Variants in PCDHGA7 observed in about 807,000 individuals in gnomAD.
PCDHGA7 encodes protocadherin gamma subfamily A, 7.
A neutral mutation model predicts 58.3 loss-of-function variants in PCDHGA7; 44 were observed. The observed-to-expected ratio is 0.75, with a 90% CI of 0.59 to 0.97. PCDHGA7 has a LOEUF of 0.97. PCDHGA7 is among the 50% of genes least tolerant of loss of function. PCDHGA7 has a pLI of 0.00. For synonymous variants in PCDHGA7, 516 were observed against 504.2 expected (o/e 1.02, Z -0.31); for missense variants, 1,266 against 1,188.7 (o/e 1.06, Z -0.96).
intron 1 of PCDHGA7, chr5:141,433,227 T>C (rs1178649427): frequency 6.5e-6 from 10 of 1,528,034 alleles, no homozygotes; most frequent in Non-Finnish European, 8.9e-6. Context: ...TTTTAATTGC[T>C]CTGTCTCCCA....
chr5:141,507,296 C>T (rs1020117646), intron 3 of PCDHGA7: 1 of 141,360 alleles, frequency 7.1e-6, no homozygotes, highest in Non-Finnish European at 1.5e-5. Flanking sequence ...TCAAATGTTG[C>T]ATGAGACATA....
intron 1 of PCDHGA7, chr5:141,422,528 C>T: frequency 5.0e-6 from 8 of 1,614,018 alleles, no homozygotes; most frequent in Non-Finnish European, 5.1e-6. Flanking sequence ...CCGCCTTTGT[C>T]TGCAGAAACT....
intron 1 of PCDHGA7, chr5:141,388,667 G>A (rs1561620639): frequency 1.2e-6 from 2 of 1,613,918 alleles, no homozygotes; most frequent in Non-Finnish European, 8.5e-7. Flanking sequence ...GGACCACGGT[G>A]CTACAGGTGA....
At chr5:141,440,770 G>A (rs2098199385) in intron 1 of PCDHGA7, 1 of 152,176 alleles carries the variant, frequency 6.6e-6, no homozygotes, top group African/African-American at 2.4e-5. Flanking sequence ...CCATCCCTTA[G>A]TGCTAGCAGC....
chr5:141,477,582 A>T lies in PCDHGA7; in HGVS notation c.2425-17225A>T, dbSNP rs567486170. The T allele has an allele frequency of 6.2e-7, 1 of 1,614,190 alleles. No individual in the cohort carries two copies. The highest frequency in any genetic ancestry group is 2.2e-5 in the East Asian group (1 of 44,888). ...GTCTGGGACCCCGACGCCCCGCAGA[A>T]TGCTCGGCTTTCTTTCTTTCTCTTG... On this transcript the variant is annotated intron_variant, in intron 1 of 3. Transcript: ENST00000518325. The surrounding 1 kb of genome is among the most constrained non-coding windows in gnomAD (Gnocchi z 4.9).
intron 1 of PCDHGA7, chr5:141,404,584 C>T: frequency 6.2e-7 from 1 of 1,613,980 alleles, no homozygotes; most frequent in Non-Finnish European, 8.5e-7. Flanking sequence ...CACTTAGCAG[C>T]AATGTGTCAT....
intron 1 of PCDHGA7, chr5:141,410,199 A>G: frequency 6.2e-7 from 1 of 1,613,998 alleles, no homozygotes; most frequent in South Asian, 1.1e-5. Flanking sequence ...GTCTTCGCAG[A>G]CAACTTGCAA....
chr5:141,460,430 G>T (rs1163518139), intron 1 of PCDHGA7, among the ~76,000 whole-genome samples: 2 of 152,110 alleles, frequency 1.3e-5, no homozygotes, highest in African/African-American at 4.8e-5. Flanking sequence ...ATGGTGTATG[G>T]TGTGAGGTAA....
Position 141,385,263 on chromosome 5 carries a change from T to C in PCDHGA7, c.2364T>C (p.Asn788=). 1 of 1,613,672 alleles carries C rather than the reference T, an allele frequency of 6.2e-7. No homozygotes were observed. Among genetic ancestry groups the C allele is most frequent in the Non-Finnish European group, 8.5e-7 (1 of 1,179,586 alleles). The change falls in exon 1 of 4, where the codon AAT becomes AAC. Residue 788 remains asparagine, a synonymous_variant. Coordinates refer to ENST00000518325, the MANE Select transcript of PCDHGA7 (RefSeq NM_018920.4). ...TCAGCCAGGAGAGCTGTGAGAAAAA[T>C]GATTCTTTGCTAACATCCGTAGATT... ...MLISQESCEK[N]DSLLTSVDFQ... is the part of the protein sequence containing the mutation.
chr5:141,405,797 T>C (rs1589594153), intron 1 of PCDHGA7, among the ~76,000 whole-genome samples: 1 of 148,508 alleles, frequency 6.7e-6, no homozygotes, highest in Non-Finnish European at 1.5e-5. Flanking sequence ...CTATTATAGT[T>C]AGCTTTCTCT....
At chr5:141,398,916 A>G (rs2150766485) in intron 1 of PCDHGA7, 1 of 1,614,022 alleles carries the variant, frequency 6.2e-7, no homozygotes, top group Non-Finnish European at 8.5e-7. Context: ...CTGTGTTGCA[A>G]GTGTCAGCCA....
Position 141,383,838 on chromosome 5 carries a change from C to T in PCDHGA7, c.939C>T (p.Ala313=). ...AAGGATTAGATTATGAAGAAACTGCCTTCTATGAAATGGAGGTTCAGGCTC... is the reference window on the plus strand; with the variant it reads ...AAGGATTAGATTATGAAGAAACTGCTTTCTATGAAATGGAGGTTCAGGCTC... The part of the protein sequence containing the change: ...TLEGLDYEET[A]FYEMEVQAQD... Residue 313 remains alanine, a synonymous_variant, in exon 1 of 4, where the codon GCC becomes GCT. Transcript: ENST00000518325. 6.2e-7 allele frequency: 1 copy of T among 1,613,892 alleles called. No individual in the cohort carries two copies. Among genetic ancestry groups the T allele is most frequent in the East Asian group, 2.2e-5 (1 of 44,894 alleles).
chr5:141,458,970 C>T (rs1260904595), intron 1 of PCDHGA7, among the ~76,000 whole-genome samples: 1 of 152,170 alleles, frequency 6.6e-6, no homozygotes, highest in Admixed American at 6.6e-5. Flanking sequence ...CAGCCTCAAG[C>T]AGTCCTCCTG....
At chr5:141,426,442 G>A (rs1205822455) in intron 1 of PCDHGA7, 9 of 306,752 alleles carry the variant, frequency 2.9e-5, no homozygotes, top group African/African-American at 4.3e-5. Context: ...CCTTGCGGAG[G>A]ACATGCGGCT....
intron 2 of PCDHGA7, among the ~76,000 whole-genome samples, chr5:141,497,643 G>A (rs773129390): frequency 6.6e-6 from 1 of 151,192 alleles, no homozygotes; most frequent in African/African-American, 2.4e-5. Context: ...AGGTTCAAGC[G>A]ATTCTCCTGC....
intron 1 of PCDHGA7, chr5:141,421,961 A>G: frequency 6.2e-7 from 1 of 1,612,542 alleles, no homozygotes; most frequent in Non-Finnish European, 8.5e-7. Context: ...ATGTTTACAC[A>G]GTCCGTATAT....
chr5:141,478,011 G>A (rs1216659966), intron 1 of PCDHGA7: 1 of 1,614,088 alleles, frequency 6.2e-7, no homozygotes, highest in East Asian at 2.2e-5. Flanking sequence ...AGTACTGCCC[G>A]TCCAGTCCAA....
chr5:141,400,319 C>A lies in PCDHGA7; in HGVS notation c.2424+14996C>A, dbSNP rs762588918. ...TTCCAACCTGGTCTCTGTGTCAAGTCTGGACCTGTGGTTCCCCCCAACTAC... is the reference window on the plus strand; with the variant it reads ...TTCCAACCTGGTCTCTGTGTCAAGTATGGACCTGTGGTTCCCCCCAACTAC... On this transcript the variant is annotated intron_variant, in intron 1 of 3. Coordinates refer to ENST00000518325, the MANE Select transcript of PCDHGA7 (RefSeq NM_018920.4). The A allele has an allele frequency of 4.3e-6, 7 of 1,614,092 alleles. No individual in the cohort carries two copies. In the South Asian group the frequency reaches 7.7e-5, roughly 18 times the overall value.
intron 1 of PCDHGA7, among the ~76,000 whole-genome samples, chr5:141,484,535 A>G (rs2099597486): frequency 6.6e-6 from 1 of 152,178 alleles, no homozygotes. Flanking sequence ...AGTATATGGC[A>G]GTGGTTCTAA....
Sources: allele counts gnomAD v4.1 joint callset (sites outside exome capture counted in the v4.1 genomes callset), GRCh38; gene constraint gnomAD v4.1.1; non-coding constraint Gnocchi (gnomAD v3.1); transcripts MANE v1.5; gene names NCBI Gene and HGNC (gene_info 2026-07-23, HGNC 2026-07-21).